CRTAC1: variants seen among roughly 807,000 people sequenced by gnomAD.
The protein encoded by CRTAC1 is cartilage acidic protein 1, also known as acidic secreted protein in cartilage.
CRTAC1 carries 37 observed loss-of-function variants against 67.8 expected under a neutral mutation model. The ratio of observed to expected loss-of-function variants is 0.55; its 90% CI spans 0.42 to 0.72. CRTAC1 has a LOEUF of 0.72. Among genes scored for constraint, CRTAC1 ranks in the 30% least tolerant of loss-of-function variants. The probability of loss-of-function intolerance (pLI) is 0.00; values close to 1 mark genes in which losing one functional copy is unlikely to be tolerated. For synonymous variants in CRTAC1, 348 were observed against 371.0 expected (o/e 0.94, Z 0.71); for missense variants, 780 against 931.6 (o/e 0.84, Z 2.12).
chr10:98,018,718 A>G (rs532713473), intron 1 of CRTAC1, among the ~76,000 whole-genome samples: 3 of 152,292 alleles, frequency 2.0e-5, no homozygotes, highest in African/African-American at 4.8e-5. Flanking sequence ...AAAAACAAGA[A>G]GCCTAAATAT....
At chr10:98,027,807 A>G (rs1383904607) in intron 1 of CRTAC1, among the ~76,000 whole-genome samples, 1 of 152,244 alleles carries the variant, frequency 6.6e-6, no homozygotes, top group Non-Finnish European at 1.5e-5. Context: ...ATGAGTGCCT[A>G]CTGTATAGAG....
At chr10:97,979,811 G>A (rs2051863652) in intron 2 of CRTAC1, among the ~76,000 whole-genome samples, 1 of 152,132 alleles carries the variant, frequency 6.6e-6, no homozygotes, top group Admixed American at 6.5e-5. Flanking sequence ...TCCCCAGATG[G>A]TTCTAACCTG....
At chr10:97,997,480 T>G (rs1842606168) in intron 2 of CRTAC1, among the ~76,000 whole-genome samples, 1 of 147,840 alleles carries the variant, frequency 6.8e-6, no homozygotes. Flanking sequence ...AAAAAAGTGT[T>G]TTCAATTTAG....
intron 8 of CRTAC1, among the ~76,000 whole-genome samples, chr10:97,900,083 G>A (rs1426248625): frequency 6.6e-6 from 1 of 152,204 alleles, no homozygotes; most frequent in Non-Finnish European, 1.5e-5. Flanking sequence ...GGTAGGTCCC[G>A]GGATTCTGTA....
intron 3 of CRTAC1, among the ~76,000 whole-genome samples, chr10:97,933,411 G>A (rs1168464679): frequency 2.6e-5 from 4 of 152,222 alleles, no homozygotes; most frequent in Admixed American, 1.3e-4. Context: ...TGCCTTTCTT[G>A]ACTTCCCTCA....
At position 97,897,855 on chromosome 10, in the gene CRTAC1, T is replaced by C. The variant is rs866692720; in HGVS notation, c.1134-864A>G. ...TGGGAAGGTAGGGTGTAAGGAAGAATTGGCATCGCACTTCCTACCACATTG... is the reference window on the plus strand; with the variant it reads ...TGGGAAGGTAGGGTGTAAGGAAGAACTGGCATCGCACTTCCTACCACATTG... On this transcript the variant is annotated intron_variant, in intron 8 of 14. Transcript: ENST00000370597. Among the ~76,000 whole-genome samples the C allele has an allele frequency of 3.9e-5, 6 of 152,146 alleles. No individual in the cohort carries two copies. In the South Asian group the frequency reaches 1.2e-3, roughly 32 times the overall value.
In CRTAC1 at chr10:97,972,646, T is replaced by C. The variant is rs183493987; in HGVS notation, c.225-36280A>G. On this transcript the variant is annotated intron_variant, in intron 2 of 14. Coordinates refer to ENST00000370597, the MANE Select transcript of CRTAC1 (RefSeq NM_018058.7). ...TTTTTCACTGAGATACTATATATAG[T>C]AGCAAAAAATAAATCAGTGTAGTAT... is the stretch of plus-strand genomic sequence containing the variant. 6.1e-4 allele frequency among the ~76,000 whole-genome samples: 93 copies of C among 152,344 alleles called. 1 individual carries two copies. The East Asian group carries it at 0.016, about 26-fold the overall frequency.
chr10:97,875,216 C>A (rs1232660671), intron 14 of CRTAC1, among the ~76,000 whole-genome samples: 1 of 152,238 alleles, frequency 6.6e-6, no homozygotes, highest in Non-Finnish European at 1.5e-5. Flanking sequence ...GTGTAATTTA[C>A]TGTTTCTGAG....
At chr10:97,880,768 C>T (rs1251865004) in intron 13 of CRTAC1, among the ~76,000 whole-genome samples, 1 of 152,160 alleles carries the variant, frequency 6.6e-6, no homozygotes, top group Non-Finnish European at 1.5e-5. Context: ...GCACCTCATG[C>T]TTAATATGTC....
At chr10:97,999,218 C>T (rs1372703488) in intron 2 of CRTAC1, among the ~76,000 whole-genome samples, 1 of 152,234 alleles carries the variant, frequency 6.6e-6, no homozygotes, top group Non-Finnish European at 1.5e-5. Context: ...ATGAGCCCCA[C>T]CATCCTGGGC....
At chr10:97,891,122 T>C (rs2050366270) in intron 11 of CRTAC1, among the ~76,000 whole-genome samples, 1 of 152,192 alleles carries the variant, frequency 6.6e-6, no homozygotes, top group Non-Finnish European at 1.5e-5. Context: ...ACGTGCTCAG[T>C]AAATATGTAG....
intron 8 of CRTAC1, 108 bp downstream of exon 8, chr10:97,901,395 C>T: frequency 7.3e-7 from 1 of 1,377,580 alleles, no homozygotes; most frequent in South Asian, 1.3e-5. Context: ...TTGGCCTGAC[C>T]CCCTGGCCCT....
intron 2 of CRTAC1, among the ~76,000 whole-genome samples, chr10:97,997,681 A>G (rs1414352422): frequency 6.6e-6 from 1 of 152,228 alleles, no homozygotes; most frequent in East Asian, 1.9e-4. Context: ...ACAAAAGTGG[A>G]TAAGCAGTAA....
At chr10:97,927,950 C>T (rs922506843) in intron 3 of CRTAC1, among the ~76,000 whole-genome samples, 45 of 152,212 alleles carry the variant, frequency 3.0e-4, no homozygotes, top group African/African-American at 1.1e-3. Flanking sequence ...AAAAGCTGCA[C>T]TCTGCCCTGG....
chr10:97,989,504 A>T (rs1842395077), intron 2 of CRTAC1, among the ~76,000 whole-genome samples: 1 of 152,204 alleles, frequency 6.6e-6, no homozygotes, highest in Admixed American at 6.5e-5. Context: ...TGTACTGAAT[A>T]CTGTAGGTAA....
chr10:97,917,855 C>T (rs1481169213), intron 4 of CRTAC1, among the ~76,000 whole-genome samples, 199 bp from the exon 5 acceptor site: 1 of 152,174 alleles, frequency 6.6e-6, no homozygotes, highest in East Asian at 1.9e-4. Context: ...GTGAATGACA[C>T]TCCCAGGAGT....
intron 3 of CRTAC1, 33 bp from the exon 4 acceptor site, chr10:97,923,433 C>T: frequency 6.2e-7 from 1 of 1,613,642 alleles, no homozygotes; most frequent in Non-Finnish European, 8.5e-7. Flanking sequence ...GGCTGGTGGA[C>T]AGTGGATCAG....
chr10:97,984,858 G>A (rs149460153), intron 2 of CRTAC1, among the ~76,000 whole-genome samples: 112 of 152,326 alleles, frequency 7.4e-4, no homozygotes, highest in Middle Eastern at 3.4e-3. Flanking sequence ...AGGGAAGGCC[G>A]AAGGACCAGG....
chr10:97,997,850 A>G (rs1202762359), intron 2 of CRTAC1, among the ~76,000 whole-genome samples: 3 of 152,264 alleles, frequency 2.0e-5, no homozygotes, highest in Admixed American at 6.5e-5. Context: ...AGAATGCAGC[A>G]GCACAGAGAG....
Sources: gnomAD v4.1 joint callset for allele counts (sites outside exome capture counted in the v4.1 genomes callset) on GRCh38, gnomAD v4.1.1 for gene constraint, MANE v1.5 for transcripts, NCBI Gene and HGNC (gene_info 2026-07-23, HGNC 2026-07-21) for gene names.